ZNF644: variants seen among roughly 807,000 people sequenced by gnomAD.
The protein encoded by ZNF644 is zinc finger motif enhancer binding protein 2.
ZNF644 carries 20 observed loss-of-function variants against 108.0 expected under a neutral mutation model. The observed-to-expected ratio is 0.19, with a 90% CI of 0.13 to 0.27. The LOEUF is 0.27. Among genes scored for constraint, ZNF644 ranks in the 10% least tolerant of loss-of-function variants. The pLI is 1.00. For missense variants in ZNF644, 1,338 were observed against 1,548.9 expected (o/e 0.86, Z 2.29); for synonymous variants, 542 against 539.1 (o/e 1.01, Z -0.08).
Position 90,938,145 on chromosome 1 carries a change from C to T in ZNF644, c.3083-55G>A, listed in dbSNP as rs2100933881. 6.2e-7 allele frequency: 1 copy of T among 1,606,452 alleles called. No individual in the cohort carries two copies. The highest frequency in any genetic ancestry group is 1.3e-5 in the African/African-American group (1 of 74,592). On this transcript the variant is annotated intron_variant, in intron 3 of 5. Coordinates refer to ENST00000337393, the MANE Select transcript of ZNF644 (RefSeq NM_201269.3). The surrounding 1 kb of genome is among the most constrained non-coding windows in gnomAD (Gnocchi z 4.2). ...GACTTTCTTATATAAACTGACCACCCTAAAATGAGTTAATTCTGAAACATA... is the reference window on the plus strand; with the variant it reads ...GACTTTCTTATATAAACTGACCACCTTAAAATGAGTTAATTCTGAAACATA...
rs769158335 is a variant in ZNF644 at position 90,939,453 on chromosome 1, G to A, written c.1901C>T (p.Pro634Leu). The change falls in exon 3 of 6, where the codon CCT becomes CTT. Residue 634 changes from proline to leucine, a missense_variant. Coordinates refer to ENST00000337393, the MANE Select transcript of ZNF644 (RefSeq NM_201269.3). Reference protein sequence around the residue: ...DKRKNDILEEPVDSDSTKTLT... With the variant: ...DKRKNDILEELVDSDSTKTLT... ...TGTTTTAGTGCTATCACTATCTACA[G>A]GTTCTTCAAGGATGTCATTTTTTCT... 2 of 1,613,786 alleles carry A rather than the reference G, an allele frequency of 1.2e-6. No individual in the cohort carries two copies. The highest frequency in any genetic ancestry group is 1.1e-5 in the South Asian group (1 of 91,072).
intron 1 of ZNF644, among the ~76,000 whole-genome samples, chr1:90,998,428 C>A (rs1014789336): frequency 6.6e-6 from 1 of 152,238 alleles, no homozygotes; most frequent in African/African-American, 2.4e-5. Context: ...GATACCCAGG[C>A]AAACAGGGTC....
intron 4 of ZNF644, among the ~76,000 whole-genome samples, chr1:90,936,342 C>T (rs895047360): frequency 3.9e-5 from 6 of 152,174 alleles, no homozygotes; most frequent in Non-Finnish European, 8.8e-5. Flanking sequence ...ACAGCTAACA[C>T]ATCTTCCCTG....
At chr1:91,001,390 T>G (rs552011027) in intron 1 of ZNF644, among the ~76,000 whole-genome samples, 1 of 152,032 alleles carries the variant, frequency 6.6e-6, no homozygotes, top group Non-Finnish European at 1.5e-5. Context: ...CGTACACAAA[T>G]CAATAAACGT....
intron 2 of ZNF644, among the ~76,000 whole-genome samples, chr1:90,945,494 T>C (rs1013043592): frequency 2.0e-5 from 3 of 152,132 alleles, no homozygotes; most frequent in Non-Finnish European, 2.9e-5. Context: ...TCATCACTTA[T>C]ATGCCTCAAG....
rs1347000924 is a variant in ZNF644, at chr1:90,956,297, T to C, written c.45-14988A>G. On this transcript the variant is annotated intron_variant, in intron 2 of 5. Transcript: ENST00000337393. ...TGATACGGAGATACGAATGAGCATATGTTGTTGAGAAAATGATACCTGTAT... is the reference window on the plus strand; with the variant it reads ...TGATACGGAGATACGAATGAGCATACGTTGTTGAGAAAATGATACCTGTAT... Among the ~76,000 whole-genome samples, 49 of 152,320 alleles carry C rather than the reference T, an allele frequency of 3.2e-4. 1 individual carries two copies. The highest frequency in any genetic ancestry group is 2.4e-3 in the Admixed American group (36 of 15,304).
At chr1:91,007,232 T>G (rs949932679) in intron 1 of ZNF644, among the ~76,000 whole-genome samples, 8 of 132,832 alleles carry the variant, frequency 6.0e-5, no homozygotes, top group South Asian at 2.7e-4. Context: ...TTTGTTTTTT[T>G]TTTTTTTTTT....
intron 4 of ZNF644, 53 bp downstream of exon 4, chr1:90,937,432 A>G: frequency 1.2e-6 from 2 of 1,611,160 alleles, no homozygotes; most frequent in Non-Finnish European, 1.7e-6. Flanking sequence ...TAAAGAAGGC[A>G]TAATTGAACT....
Position 90,958,837 on chromosome 1 carries a change from T to G in ZNF644, c.45-17528A>C, listed in dbSNP as rs1434180970. On this transcript the variant is annotated intron_variant, in intron 2 of 5. Transcript: ENST00000337393. ...ACTAAATCAAAATGGACCAACAATCTGAATATAAAAGCTAAATTTGTAAAG... is the reference window on the plus strand; with the variant it reads ...ACTAAATCAAAATGGACCAACAATCGGAATATAAAAGCTAAATTTGTAAAG... Among the ~76,000 whole-genome samples the G allele has an allele frequency of 6.6e-5, 10 of 152,170 alleles. No homozygotes were observed. In the East Asian group the frequency reaches 1.7e-3, roughly 26 times the overall value.
chr1:90,985,059 T>C (rs1208400972), intron 1 of ZNF644, among the ~76,000 whole-genome samples: 5 of 152,200 alleles, frequency 3.3e-5, no homozygotes, highest in Admixed American at 6.5e-5. Flanking sequence ...TTAAGCTGTT[T>C]AATTTTACCT....
intron 4 of ZNF644, among the ~76,000 whole-genome samples, chr1:90,930,027 C>G (rs969865635): frequency 1.5e-4 from 23 of 152,206 alleles, no homozygotes; most frequent in African/African-American, 5.5e-4. Context: ...TGGCTCACGC[C>G]TGTAATCCCA....
intron 1 of ZNF644, among the ~76,000 whole-genome samples, chr1:90,996,954 C>A (rs780538339): frequency 2.0e-5 from 3 of 152,094 alleles, no homozygotes; most frequent in Non-Finnish European, 4.4e-5. Flanking sequence ...TCAGCACTTA[C>A]CTAGTATAAA....
chr1:90,953,872 C>T (rs781284326), intron 2 of ZNF644, among the ~76,000 whole-genome samples: 9 of 151,906 alleles, frequency 5.9e-5, no homozygotes, highest in South Asian at 4.2e-4. Flanking sequence ...GCTGAGATCG[C>T]GCCACTACTC....
chr1:90,922,199 G>T (rs667422), intron 4 of ZNF644, among the ~76,000 whole-genome samples: 79 of 152,144 alleles, frequency 5.2e-4, no homozygotes, highest in Middle Eastern at 3.4e-3. Flanking sequence ...ATTCGCCACC[G>T]AAGTATTTTT....
At chr1:90,977,593 A>G (rs1656138641) in intron 2 of ZNF644, among the ~76,000 whole-genome samples, 2 of 152,232 alleles carry the variant, frequency 1.3e-5, no homozygotes, top group Admixed American at 1.3e-4. Context: ...GATAAAACAA[A>G]TATTTAGCAG....
chr1:90,939,628 C>G lies in ZNF644; in HGVS notation c.1726G>C (p.Val576Leu). Residue 576 changes from valine (V) to leucine (L), a missense_variant, in exon 3 of 6, where the codon GTA (valine) becomes CTA (leucine). Val to Leu is a conservative substitution (Grantham distance 32). Transcript: ENST00000337393. ...GCTGATTTTTTGGATGATCCTACTACAGAGTCTTTCATGAAAGTCTTTTTT... is the reference window on the plus strand; with the variant it reads ...GCTGATTTTTTGGATGATCCTACTAGAGAGTCTTTCATGAAAGTCTTTTTT... ...TQKKTFMKDS[V>L]VGSSKKSATY... 3 of 1,614,012 alleles carry G rather than the reference C, an allele frequency of 1.9e-6. No individual in the cohort carries two copies. Among genetic ancestry groups the G allele is most frequent in the Non-Finnish European group, 1.7e-6 (2 of 1,179,938 alleles).
At chr1:90,988,474 A>G (rs1025152995) in intron 1 of ZNF644, among the ~76,000 whole-genome samples, 5 of 152,208 alleles carry the variant, frequency 3.3e-5, no homozygotes, top group Non-Finnish European at 7.4e-5. Flanking sequence ...ACAGCAATCT[A>G]CAGATTCAAT....
chr1:90,970,914 C>G (rs1338790786), intron 2 of ZNF644, among the ~76,000 whole-genome samples: 2 of 148,002 alleles, frequency 1.4e-5, no homozygotes, highest in Admixed American at 1.4e-4. Context: ...GCAGGAGAAT[C>G]ACTTGAACCC....
intron 2 of ZNF644, among the ~76,000 whole-genome samples, chr1:90,965,887 T>C (rs1487208891): frequency 6.6e-6 from 1 of 152,086 alleles, no homozygotes; most frequent in Non-Finnish European, 1.5e-5. Context: ...GTATCTGGGA[T>C]TACAGGCGCC....
Sources: allele counts gnomAD v4.1 joint callset (sites outside exome capture counted in the v4.1 genomes callset), GRCh38; gene constraint gnomAD v4.1.1; non-coding constraint Gnocchi (gnomAD v3.1); transcripts MANE v1.5; gene names NCBI Gene and HGNC (gene_info 2026-07-23, HGNC 2026-07-21).